NEGR1: variants seen among roughly 807,000 people sequenced by gnomAD.
NEGR1 encodes the protein IgLON family member 4.
NEGR1 carries 10 observed loss-of-function variants against 40.9 expected under a neutral mutation model. The observed-to-expected ratio is 0.24, with a 90% CI of 0.15 to 0.42. NEGR1 has a LOEUF of 0.42. Ranked by LOEUF, NEGR1 falls within the 10% of genes least tolerant of loss-of-function variation. NEGR1 has a pLI of 1.00. For missense variants in NEGR1, 352 were observed against 438.9 expected (o/e 0.80, Z 1.77); for synonymous variants, 185 against 166.8 (o/e 1.11, Z -0.84).
At chr1:72,079,767 G>C (rs1005075380) in intron 1 of NEGR1, among the ~76,000 whole-genome samples, 1 of 151,874 alleles carries the variant, frequency 6.6e-6, no homozygotes, top group Non-Finnish European at 1.5e-5. Context: ...TTTCACTTTC[G>C]AATACTAAAA....
At chr1:72,126,579 G>A (rs1650032489) in intron 1 of NEGR1, among the ~76,000 whole-genome samples, 1 of 152,048 alleles carries the variant, frequency 6.6e-6, no homozygotes, top group South Asian at 2.1e-4. Flanking sequence ...AAGGCTTTGG[G>A]ACAGTTTTTC....
intron 1 of NEGR1, among the ~76,000 whole-genome samples, chr1:72,064,481 C>T (rs1009945846): frequency 6.6e-6 from 1 of 152,052 alleles, no homozygotes; most frequent in Non-Finnish European, 1.5e-5. Context: ...TTCTGTGGTT[C>T]AGCCGCTGGG....
intron 1 of NEGR1, among the ~76,000 whole-genome samples, chr1:72,088,648 T>C (rs980336480): frequency 6.6e-6 from 1 of 152,156 alleles, no homozygotes; most frequent in African/African-American, 2.4e-5. Context: ...ACTAGAATAA[T>C]GTATAATGTG....
At position 72,111,733 on chromosome 1, in the gene NEGR1, A is replaced by C. The variant is rs532468460; in HGVS notation, c.176+170586T>G. Among the ~76,000 whole-genome samples, 4 of 151,918 alleles carry C rather than the reference A, an allele frequency of 2.6e-5. No homozygotes were observed. In the South Asian group the frequency reaches 8.3e-4, roughly 31 times the overall value. On this transcript the variant is annotated intron_variant, in intron 1 of 6. Coordinates refer to ENST00000357731, the MANE Select transcript of NEGR1 (RefSeq NM_173808.3). ...TGCAGTCATGGAAACGTTTTGTTCC[A>C]TGAAAACCCTTTCTTGATATGAGTA...
intron 1 of NEGR1, among the ~76,000 whole-genome samples, chr1:72,196,563 A>G (rs1363819349): frequency 6.6e-6 from 1 of 152,080 alleles, no homozygotes; most frequent in Non-Finnish European, 1.5e-5. Context: ...TGAGGTCAGG[A>G]GTTCAAGACC....
intron 6 of NEGR1, among the ~76,000 whole-genome samples, chr1:71,570,026 A>T (rs1218958858): frequency 1.3e-5 from 2 of 152,166 alleles, no homozygotes; most frequent in African/African-American, 4.8e-5. Flanking sequence ...TCATCTATGT[A>T]CTTAATTTCT....
At chr1:71,804,839 G>T (rs1038511003) in intron 2 of NEGR1, among the ~76,000 whole-genome samples, 2 of 152,200 alleles carry the variant, frequency 1.3e-5, no homozygotes, top group African/African-American at 4.8e-5. Context: ...TAACAGCAAT[G>T]ATAAGGGAAC....
At chr1:71,956,245 T>A (rs946520370) in intron 1 of NEGR1, among the ~76,000 whole-genome samples, 1 of 152,168 alleles carries the variant, frequency 6.6e-6, no homozygotes, top group Non-Finnish European at 1.5e-5. Context: ...TAGCACAGTG[T>A]CTGACATTTA....
At chr1:72,016,223 A>C (rs547993222) in intron 1 of NEGR1, among the ~76,000 whole-genome samples, 2 of 152,296 alleles carry the variant, frequency 1.3e-5, no homozygotes, top group Non-Finnish European at 2.9e-5. Flanking sequence ...TGTTAAAAAA[A>C]TATAAGTGTA....
intron 1 of NEGR1, among the ~76,000 whole-genome samples, chr1:72,247,146 T>A (rs1273568845): frequency 6.6e-6 from 1 of 152,198 alleles, no homozygotes; most frequent in African/African-American, 2.4e-5. Flanking sequence ...GGGGCTGTCA[T>A]TAAGGTCTCT....
chr1:71,807,573 T>C (rs1018799284), intron 2 of NEGR1, among the ~76,000 whole-genome samples: 1 of 152,210 alleles, frequency 6.6e-6, no homozygotes, highest in African/African-American at 2.4e-5. Flanking sequence ...TCATGCTTAA[T>C]TTAGCTGCAT....
intron 1 of NEGR1, among the ~76,000 whole-genome samples, chr1:72,066,939 GA>G (rs1647289812): frequency 6.6e-6 from 1 of 152,096 alleles, no homozygotes; most frequent in African/African-American, 2.4e-5. Context: ...TCCAGAGCAG[GA>G]AAGTGTATGT....
chr1:71,396,523 G>A lies in NEGR1; in HGVS notation c.*10923C>T, dbSNP rs368609020. On this transcript the variant is annotated 3_prime_UTR_variant, in exon 7 of 7. Transcript: ENST00000357731. ...CTTGAAATGATACTAGCTTGAGAAT[G>A]TGCCTCAACATAAAAATCAAAACCA... is the stretch of plus-strand genomic sequence containing the variant. The A allele has an allele frequency of 6.6e-6, 1 of 152,188 alleles. No individual in the cohort carries two copies. The highest frequency in any genetic ancestry group is 2.1e-4 in the South Asian group (1 of 4,828). The allele number at this position is 152,188 out of a possible 1,614,324, so 9.4% of individuals were successfully genotyped here.
chr1:71,632,260 A>G (rs529727795), intron 4 of NEGR1, among the ~76,000 whole-genome samples: 2 of 151,534 alleles, frequency 1.3e-5, no homozygotes, highest in East Asian at 1.9e-4. Flanking sequence ...CGTACATATT[A>G]TACATTTATA....
chr1:71,711,622 C>T (rs1654095127), intron 3 of NEGR1, among the ~76,000 whole-genome samples: 1 of 151,946 alleles, frequency 6.6e-6, no homozygotes, highest in Non-Finnish European at 1.5e-5. Context: ...ATTCATTGAC[C>T]ATGTCATCTG....
At chr1:72,244,631 C>A (rs983078544) in intron 1 of NEGR1, among the ~76,000 whole-genome samples, 31 of 151,938 alleles carry the variant, frequency 2.0e-4, no homozygotes, top group African/African-American at 7.2e-4. Flanking sequence ...AACACTGCAT[C>A]AGTGAATACT....
chr1:71,521,273 T>C (rs1647155604), intron 6 of NEGR1, among the ~76,000 whole-genome samples: 1 of 152,028 alleles, frequency 6.6e-6, no homozygotes, highest in African/African-American at 2.4e-5. Flanking sequence ...ACAGCTGATT[T>C]AGACCCATAG....
Position 72,271,809 on chromosome 1 carries a change from C to T in NEGR1, c.176+10510G>A, listed in dbSNP as rs72942928. Among the ~76,000 whole-genome samples, 1,394 of 151,838 alleles carry T rather than the reference C, an allele frequency of 9.2e-3. 21 individuals are homozygous for T. The highest frequency in any genetic ancestry group is 0.032 in the African/African-American group (1,307 of 41,458). On this transcript the variant is annotated intron_variant, in intron 1 of 6. Coordinates refer to ENST00000357731, the MANE Select transcript of NEGR1 (RefSeq NM_173808.3). ...GGGGAAGTAACTGAATCATGAGAGG[C>T]GGTCTTTCCCATGCTATTCTCATGA...
At chr1:71,747,203 A>G (rs1655415027) in intron 3 of NEGR1, among the ~76,000 whole-genome samples, 1 of 152,144 alleles carries the variant, frequency 6.6e-6, no homozygotes, top group Non-Finnish European at 1.5e-5. Flanking sequence ...AGTCAGGCAT[A>G]TAAATCTCAT....
Sources: gnomAD v4.1 joint callset for allele counts (sites outside exome capture counted in the v4.1 genomes callset) on GRCh38, gnomAD v4.1.1 for gene constraint, MANE v1.5 for transcripts, NCBI Gene and HGNC (gene_info 2026-07-23, HGNC 2026-07-21) for gene names.